Variants in BMERB1 observed in about 807,000 individuals in gnomAD.
BMERB1 encodes the protein bMERB domain-containing protein 1.
Under a neutral mutation model 23.6 loss-of-function variants are expected in BMERB1, and 12 were observed. That is an observed-to-expected ratio of 0.51 (90% CI 0.33 to 0.82). BMERB1 has a LOEUF of 0.82. Ranked by LOEUF, BMERB1 falls within the 40% of genes least tolerant of loss-of-function variation. BMERB1 has a pLI of 0.03. For synonymous variants in BMERB1, 122 were observed against 96.6 expected (o/e 1.26, Z -1.54); for missense variants, 247 against 255.4 (o/e 0.97, Z 0.22).
intron 1 of BMERB1, among the ~76,000 whole-genome samples, chr16:15,493,305 T>A (rs1210238759): frequency 6.6e-6 from 1 of 152,164 alleles, no homozygotes; most frequent in Non-Finnish European, 1.5e-5. Flanking sequence ...TGAGCTGAGA[T>A]CATGCTACTG....
intron 1 of BMERB1, among the ~76,000 whole-genome samples, chr16:15,486,429 CTG>C (rs1229919835): frequency 6.6e-6 from 1 of 152,178 alleles, no homozygotes; most frequent in Non-Finnish European, 1.5e-5. Flanking sequence ...TACCTCTTGA[CTG>C]TTTTTCTCCA....
At position 15,586,873 on chromosome 16, in the gene BMERB1, CTCT is replaced by C. The variant is rs775239843; in HGVS notation, c.*46_*48del. On this transcript the variant is annotated 3_prime_UTR_variant, in exon 6 of 6. Transcript: ENST00000300006. Reference sequence around the variant, plus strand: ...TGGGCCATGGGGACCCCCCCCCACCCTCTTGTCTTTATAGCCCCCATTTCACCG... The same window carrying C: ...TGGGCCATGGGGACCCCCCCCCACCCTGTCTTTATAGCCCCCATTTCACCG... 2.3e-6 allele frequency: 3 copies of C among 1,288,566 alleles called. No individual in the cohort carries two copies. In the East Asian group the frequency reaches 7.5e-5, roughly 32 times the overall value. 79.8% of individuals were successfully genotyped at this position (1,288,566 alleles called of 1,614,324 possible). A position where few individuals can be genotyped will look rare whatever the true frequency, so the allele number is the denominator to read the frequency against.
At chr16:15,445,034 G>A (rs867071967) in intron 1 of BMERB1, among the ~76,000 whole-genome samples, 1 of 152,134 alleles carries the variant, frequency 6.6e-6, no homozygotes, top group Non-Finnish European at 1.5e-5. Context: ...GGAACTACAG[G>A]TGCACACCAC....
intron 1 of BMERB1, among the ~76,000 whole-genome samples, chr16:15,454,536 T>TA (rs2051067610): frequency 6.6e-6 from 1 of 152,202 alleles, no homozygotes; most frequent in Non-Finnish European, 1.5e-5. Flanking sequence ...CTCACGCCTG[T>TA]AATCCCAGCA....
intron 2 of BMERB1, among the ~76,000 whole-genome samples, chr16:15,540,483 G>A (rs2052067949): frequency 6.6e-6 from 1 of 152,026 alleles, no homozygotes; most frequent in Non-Finnish European, 1.5e-5. Context: ...CTGAGATTGT[G>A]CCACTGCACT....
chr16:15,476,142 C>G (rs2051273064), intron 1 of BMERB1, among the ~76,000 whole-genome samples: 1 of 149,462 alleles, frequency 6.7e-6, no homozygotes, highest in African/African-American at 2.5e-5. Context: ...GCATATCCTA[C>G]TTTGTACATG....
intron 2 of BMERB1, among the ~76,000 whole-genome samples, chr16:15,530,993 C>T (rs1423146020): frequency 6.7e-6 from 1 of 150,292 alleles, no homozygotes; most frequent in Non-Finnish European, 1.5e-5. Flanking sequence ...ACAACCACCA[C>T]CTCCCGGGTT....
chr16:15,584,878 G>A (rs1198234249), intron 5 of BMERB1, among the ~76,000 whole-genome samples: 1 of 152,102 alleles, frequency 6.6e-6, no homozygotes, highest in East Asian at 1.9e-4. Flanking sequence ...CGCCCTTCTG[G>A]GATTATGTTC....
rs371464387 is a variant in BMERB1 at position 15,581,313 on chromosome 16, C to T, written c.401C>T (p.Ala134Val). 2.5e-6 allele frequency: 4 copies of T among 1,613,732 alleles called. No homozygotes were observed. Among genetic ancestry groups the T allele is most frequent in the African/African-American group, 1.3e-5 (1 of 74,920 alleles). ...VQKRDFLVDDAEVERLREQEE... is the reference protein window; with the variant it reads ...VQKRDFLVDDVEVERLREQEE... ...AAGAGAGACTTCCTGGTGGACGATGCGGAGGTCGAGCGGTTAAGGTGAGTG... is the reference window on the plus strand; with the variant it reads ...AAGAGAGACTTCCTGGTGGACGATGTGGAGGTCGAGCGGTTAAGGTGAGTG... The change falls in exon 4 of 6, where the codon GCG becomes GTG. Residue 134 changes from alanine (A) to valine (V), a missense_variant. Coordinates refer to ENST00000300006, the MANE Select transcript of BMERB1 (RefSeq NM_033201.3).
chr16:15,518,153 T>A (rs2046071732), intron 2 of BMERB1, among the ~76,000 whole-genome samples: 1 of 152,286 alleles, frequency 6.6e-6, no homozygotes, highest in South Asian at 2.1e-4. Context: ...TGCAGTAAGC[T>A]CTTGACTTGT....
At chr16:15,540,013 T>C (rs2052063163) in intron 2 of BMERB1, among the ~76,000 whole-genome samples, 1 of 151,730 alleles carries the variant, frequency 6.6e-6, no homozygotes, top group South Asian at 2.1e-4. Flanking sequence ...ATTAGCCCAG[T>C]GTGCTGGAGT....
chr16:15,565,231 C>T (rs994609394), intron 2 of BMERB1, among the ~76,000 whole-genome samples: 6 of 152,090 alleles, frequency 3.9e-5, no homozygotes, highest in Non-Finnish European at 4.4e-5. Context: ...TCCGAAGGGT[C>T]GATTTCTAGT....
At chr16:15,581,662 C>T (rs1425367944) in intron 4 of BMERB1, among the ~76,000 whole-genome samples, 1 of 152,186 alleles carries the variant, frequency 6.6e-6, no homozygotes, top group African/African-American at 2.4e-5. Flanking sequence ...CTATCAGTTT[C>T]TACCGAAACT....
chr16:15,579,878 A>G (rs2030964088), intron 3 of BMERB1, among the ~76,000 whole-genome samples: 1 of 152,204 alleles, frequency 6.6e-6, no homozygotes, highest in Admixed American at 6.5e-5. Context: ...GAAGGCTCTC[A>G]GCCAAGGCCA....
intron 1 of BMERB1, among the ~76,000 whole-genome samples, chr16:15,510,011 C>A (rs75928495): frequency 0.045 from 6,852 of 152,190 alleles, 204 homozygotes; most frequent in South Asian, 0.085. Flanking sequence ...GCTATTACAT[C>A]CAGTGGCAAA....
At chr16:15,454,009 T>C (rs1044037343) in intron 1 of BMERB1, among the ~76,000 whole-genome samples, 1 of 152,090 alleles carries the variant, frequency 6.6e-6, no homozygotes, top group East Asian at 1.9e-4. Flanking sequence ...GAGTCATGTT[T>C]CTCAAGGAGA....
chr16:15,561,521 G>A (rs560275225), intron 2 of BMERB1, among the ~76,000 whole-genome samples: 11 of 151,064 alleles, frequency 7.3e-5, no homozygotes, highest in South Asian at 4.2e-4. Flanking sequence ...CTTCCACCTC[G>A]GCCTCCCAAA....
At chr16:15,542,318 C>T (rs1179245143) in intron 2 of BMERB1, among the ~76,000 whole-genome samples, 1 of 152,082 alleles carries the variant, frequency 6.6e-6, no homozygotes, top group African/African-American at 2.4e-5. Flanking sequence ...CGGCCTGGAC[C>T]TCCCAAAGTG....
chr16:15,505,887 CA>C (rs754187273), intron 1 of BMERB1, among the ~76,000 whole-genome samples: 2,200 of 55,618 alleles, frequency 0.04, 60 homozygotes, highest in African/African-American at 0.093. Flanking sequence ...GACGCCGTTT[CA>C]AAAAAAAAAA....
Sources: gnomAD v4.1 joint callset for allele counts (sites outside exome capture counted in the v4.1 genomes callset) on GRCh38, gnomAD v4.1.1 for gene constraint, MANE v1.5 for transcripts, NCBI Gene and HGNC (gene_info 2026-07-23, HGNC 2026-07-21) for gene names.